The following RABGAP1L variants were observed in gnomAD, a reference collection of about 807,000 sequenced individuals.
RABGAP1L encodes the protein rab GTPase-activating protein 1-like.
Under a neutral mutation model 137.7 loss-of-function variants are expected in RABGAP1L, and 63 were observed. The ratio of observed to expected loss-of-function variants is 0.46; its 90% confidence interval spans 0.37 to 0.56. The LOEUF (loss-of-function observed/expected upper bound fraction) is 0.56. Among genes scored for constraint, RABGAP1L ranks in the 20% least tolerant of loss-of-function variants. RABGAP1L has a pLI of 0.00. For missense variants in RABGAP1L, 1,095 were observed against 1,244.0 expected (o/e 0.88, Z 1.80); for synonymous variants, 431 against 433.7 (o/e 0.99, Z 0.08).
At chr1:174,616,921 C>A (rs1438183246) in intron 13 of RABGAP1L, among the ~76,000 whole-genome samples, 2 of 152,132 alleles carry the variant, frequency 1.3e-5, no homozygotes, top group Non-Finnish European at 2.9e-5. Context: ...TAAGGTATGA[C>A]ACCTACTTTA....
chr1:174,538,347 A>G (rs1186269814), intron 13 of RABGAP1L, among the ~76,000 whole-genome samples: 3 of 152,122 alleles, frequency 2.0e-5, no homozygotes, highest in Admixed American at 6.6e-5. Flanking sequence ...CTTCCCTTAT[A>G]GTTCTTTACA....
In RABGAP1L at chr1:174,448,190, T is replaced by C; in HGVS notation, c.1710+54045T>C. On this transcript the variant is annotated intron_variant, in intron 13 of 25. Coordinates refer to ENST00000681986, the MANE Select transcript of RABGAP1L (RefSeq NM_001366446.1). The surrounding 1 kb of genome is among the most constrained non-coding windows in gnomAD (Gnocchi z 4.2). ...TGTGAATGTGTCCGAGCGTCACTCC[T>C]GCCCACTTGGATTTGGCCACTACAG... 1 of 1,613,874 alleles carries C rather than the reference T, an allele frequency of 6.2e-7. No individual in the cohort carries two copies. The highest frequency in any genetic ancestry group is 8.5e-7 in the Non-Finnish European group (1 of 1,179,782).
At chr1:174,327,999 A>ATATATATATG (rs1680677108) in intron 11 of RABGAP1L, among the ~76,000 whole-genome samples, 1 of 113,850 alleles carries the variant, frequency 8.8e-6, no homozygotes, top group African/African-American at 4.5e-5. Context: ...ATATATATAT[A>ATATATATATG]TATATATATA....
At chr1:174,893,884 A>G (rs1656688180) in intron 19 of RABGAP1L, among the ~76,000 whole-genome samples, 1 of 152,336 alleles carries the variant, frequency 6.6e-6, no homozygotes, top group Admixed American at 6.5e-5. Context: ...GAGTATACAA[A>G]TTAATATCTC....
chr1:174,305,724 C>T (rs1678161328), intron 11 of RABGAP1L, among the ~76,000 whole-genome samples: 1 of 151,028 alleles, frequency 6.6e-6, no homozygotes, highest in African/African-American at 2.4e-5. Context: ...TAATTATAGC[C>T]TTTTTTTTCT....
At position 174,448,982 on chromosome 1, in the gene RABGAP1L, C is replaced by T. The variant is rs781375207; in HGVS notation, c.1710+54837C>T. On this transcript the variant is annotated intron_variant, in intron 13 of 25. Coordinates refer to ENST00000681986, the MANE Select transcript of RABGAP1L (RefSeq NM_001366446.1). The surrounding 1 kb of genome is among the most constrained non-coding windows in gnomAD (Gnocchi z 4.2). ...AATTTACTTTCTTCTAGAAAGCTCC[C>T]GGGTCTTGGACAATCCAACTCTGTC... 15 of 1,613,378 alleles carry T rather than the reference C, an allele frequency of 9.3e-6. No individual in the cohort carries two copies. The highest frequency in any genetic ancestry group is 5.0e-5 in the Admixed American group (3 of 59,994).
intron 17 of RABGAP1L, among the ~76,000 whole-genome samples, chr1:174,704,093 G>A (rs906431834): frequency 5.9e-5 from 9 of 152,178 alleles, no homozygotes; most frequent in Non-Finnish European, 1.2e-4. Flanking sequence ...CACCTGCCGG[G>A]TTCAAGCAAT....
At chr1:174,748,544 A>G (rs940064622) in intron 17 of RABGAP1L, among the ~76,000 whole-genome samples, 1 of 152,144 alleles carries the variant, frequency 6.6e-6, no homozygotes, top group Non-Finnish European at 1.5e-5. Context: ...ATTGGGTTTC[A>G]GATTGGTTTT....
chr1:174,436,904 G>A (rs894684448), intron 13 of RABGAP1L, among the ~76,000 whole-genome samples: 26 of 152,280 alleles, frequency 1.7e-4, no homozygotes, highest in African/African-American at 4.8e-4. Context: ...CAGCATTTGC[G>A]GTTCAACAAT....
At chr1:174,989,823 T>C (rs1671936421) in intron 25 of RABGAP1L, 26 bp from the exon 26 acceptor site, 3 of 1,544,020 alleles carry the variant, frequency 1.9e-6, no homozygotes, top group African/African-American at 1.4e-5. Context: ...TTTATTTAAC[T>C]CAGATGATTT....
At chr1:174,726,275 A>C (rs1421432370) in intron 17 of RABGAP1L, among the ~76,000 whole-genome samples, 5 of 151,598 alleles carry the variant, frequency 3.3e-5, no homozygotes, top group African/African-American at 1.2e-4. Context: ...AGCTCTTCTT[A>C]TTAGTTAATT....
intron 19 of RABGAP1L, among the ~76,000 whole-genome samples, chr1:174,887,302 A>C (rs1197595024): frequency 6.6e-6 from 1 of 152,234 alleles, no homozygotes; most frequent in Non-Finnish European, 1.5e-5. Context: ...TTAGCTGTGT[A>C]AAATATATAA....
At chr1:174,241,401 T>A (rs551629467) in intron 4 of RABGAP1L, 82 bp from the exon 5 acceptor site, 8,913 of 718,876 alleles carry the variant, frequency 0.012, 40 homozygotes, top group South Asian at 0.017. Flanking sequence ...TCTTTTTTTT[T>A]AAAAAAAAAA....
chr1:174,831,697 G>A (rs1692130966), intron 19 of RABGAP1L, among the ~76,000 whole-genome samples: 2 of 147,760 alleles, frequency 1.4e-5, no homozygotes, highest in African/African-American at 5.0e-5. Context: ...AATTTTTCAT[G>A]GAGGTTCATG....
At chr1:174,861,973 AT>A (rs1650333802) in intron 19 of RABGAP1L, among the ~76,000 whole-genome samples, 2 of 151,860 alleles carry the variant, frequency 1.3e-5, no homozygotes, top group Non-Finnish European at 2.9e-5. Context: ...CTACGTGTTT[AT>A]TTTTGCTTTT....
intron 13 of RABGAP1L, among the ~76,000 whole-genome samples, chr1:174,603,008 G>A (rs61826909): frequency 0.088 from 13,372 of 152,108 alleles, 816 homozygotes; most frequent in East Asian, 0.22. Flanking sequence ...GCTTATAGAT[G>A]TTTGTTAGAG....
chr1:174,603,200 T>A (rs1391798066), intron 13 of RABGAP1L, among the ~76,000 whole-genome samples: 2 of 152,212 alleles, frequency 1.3e-5, no homozygotes, highest in African/African-American at 4.8e-5. Flanking sequence ...CTATGACTCT[T>A]GCAGACTTGT....
At chr1:174,651,617 G>T (rs2148391854) in intron 14 of RABGAP1L, among the ~76,000 whole-genome samples, 1 of 152,126 alleles carries the variant, frequency 6.6e-6, no homozygotes, top group South Asian at 2.1e-4. Flanking sequence ...TTTGATCTTT[G>T]TTGGTTTAAA....
intron 18 of RABGAP1L, among the ~76,000 whole-genome samples, chr1:174,805,471 T>C (rs1317795806): frequency 6.6e-6 from 1 of 152,198 alleles, no homozygotes; most frequent in East Asian, 1.9e-4. Flanking sequence ...GTAGAGCCAC[T>C]AATTTCAAAA....
Sources: gnomAD v4.1 joint callset for allele counts (sites outside exome capture counted in the v4.1 genomes callset) on GRCh38, gnomAD v4.1.1 for gene constraint, Gnocchi (gnomAD v3.1) non-coding constraint, MANE v1.5 for transcripts, NCBI Gene and HGNC (gene_info 2026-07-23, HGNC 2026-07-21) for gene names.